SCARA3: variants seen among roughly 807,000 people sequenced by gnomAD.
SCARA3 encodes cellular stress response gene protein.
A neutral mutation model predicts 47.0 loss-of-function variants in SCARA3; 39 were observed. That is an observed-to-expected ratio of 0.83 (90% CI 0.64 to 1.08). The LOEUF (loss-of-function observed/expected upper bound fraction) is 1.08, where lower values mean the gene tolerates loss of function less well. SCARA3 is among the 50% of genes least tolerant of loss of function. The pLI is 0.00. For synonymous variants in SCARA3, 356 were observed against 334.1 expected (o/e 1.07, Z -0.71); for missense variants, 724 against 792.3 (o/e 0.91, Z 1.04).
chr8:27,661,929 T>C (rs987814659), intron 5 of SCARA3, among the ~76,000 whole-genome samples: 1 of 152,136 alleles, frequency 6.6e-6, no homozygotes, highest in Non-Finnish European at 1.5e-5. Flanking sequence ...CATTGTGGAG[T>C]AGCAGTCCAA....
At chr8:27,682,342 T>TC in the SCARA3 span, among the ~76,000 whole-genome samples, 1 of 152,068 alleles carries the variant, frequency 6.6e-6, no homozygotes, top group Non-Finnish European at 1.5e-5. Context: ...GAAAATACTA[T>TC]CATGAACTTG....
At chr8:27,674,510 A>G (rs1462219198), downstream of SCARA3, among the ~76,000 whole-genome samples, 1 of 152,070 alleles carries the variant, frequency 6.6e-6, no homozygotes, top group Non-Finnish European at 1.5e-5. Context: ...CTGTCCTGCA[A>G]TTCTAACCAA....
the SCARA3 span, among the ~76,000 whole-genome samples, chr8:27,716,294 C>A: frequency 3.3e-5 from 5 of 151,882 alleles, no homozygotes; most frequent in Non-Finnish European, 7.4e-5. Flanking sequence ...GGCTGGGTGA[C>A]AGCAAGATCT....
intron 3 of SCARA3, among the ~76,000 whole-genome samples, chr8:27,652,930 C>G (rs538382133): frequency 3.3e-5 from 5 of 152,256 alleles, no homozygotes; most frequent in Admixed American, 6.5e-5. Context: ...GATTCCAGTC[C>G]GCAGCTAGAT....
chr8:27,705,929 G>A, the SCARA3 span, among the ~76,000 whole-genome samples: 1 of 152,164 alleles, frequency 6.6e-6, no homozygotes, highest in African/African-American at 2.4e-5. Context: ...TGTGCACAGA[G>A]CTGGTGGTGA....
chr8:27,694,355 G>A, the SCARA3 span, among the ~76,000 whole-genome samples: 2 of 151,760 alleles, frequency 1.3e-5, no homozygotes, highest in African/African-American at 2.4e-5. Flanking sequence ...TTCATTCTAC[G>A]GAAAATATGC....
the SCARA3 span, among the ~76,000 whole-genome samples, chr8:27,690,590 T>A: frequency 6.6e-6 from 1 of 152,346 alleles, no homozygotes; most frequent in Non-Finnish European, 1.5e-5. Flanking sequence ...GCTCTTTATG[T>A]ACTGATAAGG....
chr8:27,634,425 C>T (rs35068026), intron 1 of SCARA3, among the ~76,000 whole-genome samples: 1 of 152,312 alleles, frequency 6.6e-6, no homozygotes, highest in East Asian at 1.9e-4. Context: ...TCACACACCC[C>T]CCCTTGCAGT....
At chr8:27,731,300 ATC>A in the SCARA3 span, among the ~76,000 whole-genome samples, 3 of 151,454 alleles carry the variant, frequency 2.0e-5, no homozygotes, top group Non-Finnish European at 2.9e-5. Context: ...GGGTCTCAGT[ATC>A]TTGCCCAAGC....
At chr8:27,658,454 TG>T in intron 4 of SCARA3, 41 bp from the exon 5 acceptor site, 1 of 1,516,240 alleles carries the variant, frequency 6.6e-7, no homozygotes, top group Non-Finnish European at 8.9e-7. Context: ...CGTCGTACCC[TG>T]GCCCTTCAGC....
chr8:27,705,224 G>A, the SCARA3 span, among the ~76,000 whole-genome samples: 1 of 152,204 alleles, frequency 6.6e-6, no homozygotes, highest in Non-Finnish European at 1.5e-5. Flanking sequence ...GGGGCAGGTC[G>A]AAGGAGCCTG....
At chr8:27,695,840 G>T in the SCARA3 span, among the ~76,000 whole-genome samples, 1 of 151,642 alleles carries the variant, frequency 6.6e-6, no homozygotes, top group East Asian at 1.9e-4. Context: ...AAAGAATAAA[G>T]AAAAAATACA....
intron 5 of SCARA3, among the ~76,000 whole-genome samples, chr8:27,665,649 G>A (rs1047150938): frequency 6.6e-6 from 1 of 152,140 alleles, no homozygotes; most frequent in Non-Finnish European, 1.5e-5. Flanking sequence ...GGGATTACAG[G>A]CAAGAGCCAT....
the SCARA3 span, among the ~76,000 whole-genome samples, chr8:27,685,616 A>C: frequency 3.9e-5 from 6 of 152,246 alleles, no homozygotes; most frequent in South Asian, 1.2e-3. Flanking sequence ...GTATGTACCC[A>C]AAATGCCCAC....
the SCARA3 span, among the ~76,000 whole-genome samples, chr8:27,727,510 C>T: frequency 6.6e-6 from 1 of 152,260 alleles, no homozygotes; most frequent in South Asian, 2.1e-4. Flanking sequence ...CCTAGAGTTC[C>T]TTCCAGTGGC....
chr8:27,723,978 C>T, the SCARA3 span, among the ~76,000 whole-genome samples: 8 of 152,178 alleles, frequency 5.3e-5, no homozygotes, highest in African/African-American at 1.9e-4. Context: ...TCAAGTGATC[C>T]ACCCGCCTCA....
At chr8:27,687,071 G>T in the SCARA3 span, among the ~76,000 whole-genome samples, 2 of 152,184 alleles carry the variant, frequency 1.3e-5, no homozygotes, top group Non-Finnish European at 2.9e-5. Context: ...CCAGGGGTGG[G>T]CAGGTGACTC....
At chr8:27,665,981 G>C (rs1289993617) in intron 5 of SCARA3, among the ~76,000 whole-genome samples, 1 of 152,152 alleles carries the variant, frequency 6.6e-6, no homozygotes, top group Middle Eastern at 3.2e-3. Context: ...AGATACAAAG[G>C]GATTCAATCT....
chr8:27,688,589 G>A, the SCARA3 span, among the ~76,000 whole-genome samples: 14 of 152,068 alleles, frequency 9.2e-5, no homozygotes, highest in Non-Finnish European at 1.0e-4. Flanking sequence ...CCAGCTACTC[G>A]GGAGGCTGAG....
Sources: gnomAD v4.1 joint callset for allele counts (sites outside exome capture counted in the v4.1 genomes callset) on GRCh38, gnomAD v4.1.1 for gene constraint, MANE v1.5 for transcripts, NCBI Gene and HGNC (gene_info 2026-07-23, HGNC 2026-07-21) for gene names.